The following GGNBP2 variants were observed in gnomAD, a reference collection of about 807,000 sequenced individuals.
GGNBP2 encodes the protein gametogenetin binding protein 2, also known as gametogenetin-binding protein 2.
In GGNBP2, 10 loss-of-function variants were observed where a neutral mutation model predicts 85.9. That is an observed-to-expected ratio of 0.12 (90% CI 0.07 to 0.20). The LOEUF (loss-of-function observed/expected upper bound fraction) is 0.20, where lower values mean the gene tolerates loss of function less well. Among genes scored for constraint, GGNBP2 ranks in the 10% least tolerant of loss-of-function variants. The pLI is 1.00. For synonymous variants in GGNBP2, 287 were observed against 285.7 expected (o/e 1.00, Z -0.05); for missense variants, 595 against 857.8 (o/e 0.69, Z 3.83).
chr17:36,588,234 C>G (rs2074722335), intron 13 of GGNBP2, among the ~76,000 whole-genome samples: 1 of 152,112 alleles, frequency 6.6e-6, no homozygotes, highest in Non-Finnish European at 1.5e-5. Flanking sequence ...CTGATGGAAC[C>G]AAATCCTTCG....
intron 13 of GGNBP2, 52 bp from the exon 14 acceptor site, chr17:36,589,156 A>G: frequency 1.5e-6 from 2 of 1,322,068 alleles, no homozygotes; most frequent in Non-Finnish European, 2.2e-6. Context: ...CCTCCATTAC[A>G]TAACATTTTG....
rs141002183 is a variant in GGNBP2 at position 36,568,324 on chromosome 17, T to A, written c.641+548T>A. On this transcript the variant is annotated intron_variant, in intron 6 of 13. Coordinates refer to ENST00000613102, the MANE Select transcript of GGNBP2 (RefSeq NM_024835.5). ...TTTTTTTTTTCTTTTTGAGACAGAG[T>A]TGCACTCTGTCACCCAGGCTGGAGT... Among the ~76,000 whole-genome samples the A allele has an allele frequency of 6.8e-3, 1,030 of 151,248 alleles. 10 individuals are homozygous for A. Among genetic ancestry groups the A allele is most frequent in the African/African-American group, 0.022 (900 of 41,148 alleles).
At position 36,587,076 on chromosome 17, in the gene GGNBP2, G is replaced by T; in HGVS notation, c.1721G>T (p.Arg574Leu). 6.2e-7 allele frequency: 1 copy of T among 1,614,066 alleles called. No homozygotes were observed. Among genetic ancestry groups the T allele is most frequent in the Non-Finnish European group, 8.5e-7 (1 of 1,180,004 alleles). ...SGNTMHTVFHRDKTKDTHPES... is the reference protein window; with the variant it reads ...SGNTMHTVFHLDKTKDTHPES... ...AATACCATGCACACAGTGTTTCACC[G>T]TGACAAGACCAAAGATACACATCCT... Residue 574 changes from arginine to leucine, a missense_variant, in exon 13 of 14, where the codon CGT becomes CTT. Coordinates refer to ENST00000613102, the MANE Select transcript of GGNBP2 (RefSeq NM_024835.5).
At chr17:36,560,082 A>C (rs2074402467) in intron 4 of GGNBP2, among the ~76,000 whole-genome samples, 1 of 151,896 alleles carries the variant, frequency 6.6e-6, no homozygotes, top group South Asian at 2.1e-4. Flanking sequence ...CAGTCTCCCA[A>C]AGTGCTGGGA....
chr17:36,547,360 TAAAA>T (rs951511429), intron 2 of GGNBP2: 2 of 148,806 alleles, frequency 1.3e-5, no homozygotes, highest in African/African-American at 4.9e-5. Context: ...GCTGTGGAGT[TAAAA>T]AAAAAAATTC....
intron 2 of GGNBP2, among the ~76,000 whole-genome samples, chr17:36,554,443 C>CT (rs1815903322): frequency 1.5e-5 from 2 of 132,266 alleles, no homozygotes; most frequent in African/African-American, 6.0e-5. Context: ...TTTCAGCTCG[C>CT]TGCAACCTCT....
chr17:36,545,983 C>T (rs943753648), intron 2 of GGNBP2, 166 bp downstream of exon 2: 3 of 559,380 alleles, frequency 5.4e-6, no homozygotes, highest in Admixed American at 3.1e-5. Flanking sequence ...CAGTGGGTGG[C>T]TCGGTAACCT....
chr17:36,562,420 T>TG (rs1231997177), intron 5 of GGNBP2, among the ~76,000 whole-genome samples: 2 of 151,384 alleles, frequency 1.3e-5, no homozygotes, highest in Non-Finnish European at 3.0e-5. Flanking sequence ...CTGCCTGACT[T>TG]GGTCTCCCAA....
At chr17:36,565,459 T>TAA (rs947110661) in intron 5 of GGNBP2, among the ~76,000 whole-genome samples, 2 of 150,236 alleles carry the variant, frequency 1.3e-5, no homozygotes, top group African/African-American at 4.9e-5. Context: ...AGCTTTTTTT[T>TAA]AAAAAAAAAA....
Position 36,577,740 on chromosome 17 carries a change from G to A in GGNBP2, c.642-243G>A. On this transcript the variant is annotated intron_variant, in intron 6 of 13. Transcript: ENST00000613102. ...TTTATGAAATAATAGGTATGTATCT[G>A]CCTCATTCTTTTAGGCTATGTGTTT... 7.2e-6 allele frequency: 4 copies of A among 557,626 alleles called. No homozygotes were observed. The South Asian group carries it at 8.3e-5, about 12-fold the overall frequency. The allele number at this position is 557,626 out of a possible 1,614,324, so 34.5% of individuals were successfully genotyped here.
At chr17:36,564,875 A>G (rs535072341) in intron 5 of GGNBP2, among the ~76,000 whole-genome samples, 2 of 152,192 alleles carry the variant, frequency 1.3e-5, no homozygotes, top group African/African-American at 2.4e-5. Flanking sequence ...TTCTGAGAGT[A>G]TTCTCTCATC....
chr17:36,571,515 T>C (rs1302043140), intron 6 of GGNBP2, among the ~76,000 whole-genome samples: 3 of 150,360 alleles, frequency 2.0e-5, no homozygotes, highest in Admixed American at 6.7e-5. Context: ...CGCCATTTGC[T>C]CTCCAGCCTC....
At chr17:36,558,539 A>G (rs888613924) in intron 4 of GGNBP2, among the ~76,000 whole-genome samples, 13 of 147,066 alleles carry the variant, frequency 8.8e-5, no homozygotes, top group African/African-American at 3.3e-4. Flanking sequence ...CACTGCAACC[A>G]CTGCCTCCCG....
intron 7 of GGNBP2, 119 bp from the exon 8 acceptor site, chr17:36,579,126 G>T: frequency 1.3e-6 from 1 of 767,634 alleles, no homozygotes; most frequent in Non-Finnish European, 2.2e-6. Flanking sequence ...GAGTGTAAAT[G>T]TATAACTGTC....
chr17:36,575,196 TGCGGCCTCAGCC>T lies in GGNBP2; in HGVS notation c.642-2774_642-2763del, dbSNP rs780977052. 377 of 643,326 alleles carry T rather than the reference TGCGGCCTCAGCC, an allele frequency of 5.9e-4. 1 individual carries two copies. The highest frequency in any genetic ancestry group is 3.2e-3 in the South Asian group (195 of 60,780). The allele number at this position is 643,326 out of a possible 1,614,324, so 39.9% of individuals were successfully genotyped here. A position where few individuals can be genotyped will look rare whatever the true frequency, so the allele number is the denominator to read the frequency against. ...TCCTCGGCCTTGCCTCCATGAGCTC[TGCGGCCTCAGCC>T]GCGGCCTCAGCCCCAGCCCCGGCCC... is the stretch of plus-strand genomic sequence containing the variant. On this transcript the variant is annotated intron_variant, in intron 6 of 13. Coordinates refer to ENST00000613102, the MANE Select transcript of GGNBP2 (RefSeq NM_024835.5).
chr17:36,561,768 T>C (rs6607326), intron 5 of GGNBP2, among the ~76,000 whole-genome samples: 65,954 of 151,592 alleles, frequency 0.44, 14,590 homozygotes, highest in East Asian at 0.48. Context: ...GGACTACAGG[T>C]GCGTGCCACC....
At chr17:36,566,224 A>T (rs1398626759) in intron 5 of GGNBP2, among the ~76,000 whole-genome samples, 5 of 152,222 alleles carry the variant, frequency 3.3e-5, no homozygotes, top group Non-Finnish European at 7.3e-5. Context: ...GCTGTGATTG[A>T]ATGGAGTGTA....
chr17:36,549,959 A>G (rs1019643570), intron 2 of GGNBP2, among the ~76,000 whole-genome samples: 4 of 148,348 alleles, frequency 2.7e-5, no homozygotes, highest in African/African-American at 1.0e-4. Flanking sequence ...TTTTTTCGAG[A>G]TGGAGTCTCA....
chr17:36,579,129 T>G, intron 7 of GGNBP2, 116 bp from the exon 8 acceptor site: 1 of 787,578 alleles, frequency 1.3e-6, no homozygotes, highest in East Asian at 2.5e-5. Context: ...TGTAAATGTA[T>G]AACTGTCTTG....
Sources: allele counts gnomAD v4.1 joint callset (sites outside exome capture counted in the v4.1 genomes callset), GRCh38; gene constraint gnomAD v4.1.1; transcripts MANE v1.5; gene names NCBI Gene and HGNC (gene_info 2026-07-23, HGNC 2026-07-21).